Variants in ZBED6 observed in about 807,000 individuals in gnomAD.
The protein encoded by ZBED6 is zinc finger BED-type containing 6.
A neutral mutation model predicts 58.4 loss-of-function variants in ZBED6; 40 were observed. The ratio of observed to expected loss-of-function variants is 0.68; its 90% CI spans 0.53 to 0.89. The LOEUF is 0.89. ZBED6 is among the 40% of genes least tolerant of loss of function. ZBED6 has a pLI of 0.00. For missense variants in ZBED6, 1,057 were observed against 1,003.9 expected (o/e 1.05, Z -0.71); for synonymous variants, 439 against 350.6 (o/e 1.25, Z -2.82).
intron 10 of ZBED6, 88 bp downstream of exon 10, chr1:203,838,152 T>C: frequency 8.2e-7 from 1 of 1,224,812 alleles, no homozygotes; most frequent in Non-Finnish European, 1.2e-6. Context: ...TTCATTCTTT[T>C]GTTCAGGTAA....
intron 3 of ZBED6, among the ~76,000 whole-genome samples, chr1:203,825,517 T>G (rs10158428): frequency 6.9e-6 from 1 of 145,152 alleles, no homozygotes; most frequent in Non-Finnish European, 1.5e-5. Context: ...TCACTGAAAC[T>G]TCCACCTCCC....
chr1:203,796,736 A>T (rs16852334), exon 1 of ZBED6: 1 of 333,636 alleles, frequency 3.0e-6, no homozygotes, highest in East Asian at 4.6e-5. Flanking sequence ...AAAGCTTCTC[A>T]AGTCTAAAAA....
chr1:203,836,758 A>G (rs562944519), intron 9 of ZBED6, among the ~76,000 whole-genome samples: 15 of 152,328 alleles, frequency 9.8e-5, no homozygotes, highest in Admixed American at 9.1e-4. Flanking sequence ...CCTGGGCGAA[A>G]GAATGAGACT....
At chr1:203,848,122 T>C (rs1194800981) in intron 12 of ZBED6, among the ~76,000 whole-genome samples, 1 of 152,194 alleles carries the variant, frequency 6.6e-6, no homozygotes, top group African/African-American at 2.4e-5. Context: ...TCTCCCAAAG[T>C]GCTGGGGTTA....
intron 11 of ZBED6, among the ~76,000 whole-genome samples, chr1:203,841,587 CT>C (rs1686222050): frequency 1.3e-5 from 2 of 152,226 alleles, no homozygotes; most frequent in African/African-American, 4.8e-5. Context: ...TCTGATCTCT[CT>C]TTCTTTTCCC....
chr1:203,810,340 G>A (rs1030597910), intron 1 of ZBED6, among the ~76,000 whole-genome samples: 2 of 151,048 alleles, frequency 1.3e-5, no homozygotes, highest in Admixed American at 6.6e-5. Context: ...GAAGCTTAGT[G>A]TATAAAGATG....
At chr1:203,849,962 A>G in exon 14 of ZBED6, 1 of 1,614,152 alleles carries the variant, frequency 6.2e-7, no homozygotes, top group East Asian at 2.2e-5. Context: ...TAGAAACCTC[A>G]GGGATTGGAG....
At chr1:203,838,968 A>AAAAAAG (rs1365572708) in intron 10 of ZBED6, among the ~76,000 whole-genome samples, 1 of 151,738 alleles carries the variant, frequency 6.6e-6, no homozygotes, top group Non-Finnish European at 1.5e-5. Context: ...AAAAAAAAAA[A>AAAAAAG]AAAAAAAGAA....
chr1:203,848,449 A>G (rs781368100), intron 13 of ZBED6, 42 bp downstream of exon 13: 2 of 1,475,634 alleles, frequency 1.4e-6, no homozygotes, highest in Admixed American at 2.0e-5. Flanking sequence ...ATGGCAAACA[A>G]AGGCTAGATA....
At chr1:203,821,172 A>G (rs1284168828) in intron 3 of ZBED6, among the ~76,000 whole-genome samples, 1 of 152,128 alleles carries the variant, frequency 6.6e-6, no homozygotes, top group Non-Finnish European at 1.5e-5. Flanking sequence ...CTGATGGTTT[A>G]AAAGTGTGGG....
chr1:203,819,786 G>A (rs894643420), intron 3 of ZBED6, among the ~76,000 whole-genome samples: 7 of 149,318 alleles, frequency 4.7e-5, no homozygotes, highest in South Asian at 4.3e-4. Context: ...CACTTGCCTC[G>A]GCCTCCCAAA....
intron 11 of ZBED6, among the ~76,000 whole-genome samples, chr1:203,840,673 G>A (rs1379083158): frequency 6.6e-6 from 1 of 150,720 alleles, no homozygotes; most frequent in Non-Finnish European, 1.5e-5. Flanking sequence ...TGCTCTTGTT[G>A]CCCAGGCTGG....
At chr1:203,835,095 C>T (rs137911092) in intron 9 of ZBED6, among the ~76,000 whole-genome samples, 4 of 152,320 alleles carry the variant, frequency 2.6e-5, no homozygotes, top group African/African-American at 9.6e-5. Context: ...TGAACTTAGT[C>T]ACATTTCAAA....
At chr1:203,805,558 G>T in intron 1 of ZBED6, 1 of 591,254 alleles carries the variant, frequency 1.7e-6, no homozygotes, top group South Asian at 1.4e-5. Flanking sequence ...CGGTAAATTT[G>T]GAAAGATCAG....
chr1:203,823,953 G>T (rs1333184030), intron 3 of ZBED6, among the ~76,000 whole-genome samples: 2 of 151,270 alleles, frequency 1.3e-5, no homozygotes, highest in Admixed American at 6.6e-5. Context: ...AAAACCTAAG[G>T]TGAAGAGCAA....
At chr1:203,835,137 T>C (rs1440803419) in intron 9 of ZBED6, among the ~76,000 whole-genome samples, 7 of 152,236 alleles carry the variant, frequency 4.6e-5, no homozygotes, top group African/African-American at 1.7e-4. Context: ...GAATGTATTG[T>C]TGAATCAGTT....
At chr1:203,799,041 A>C (rs1290892681) in exon 1 of ZBED6, 1 of 1,536,032 alleles carries the variant, frequency 6.5e-7, no homozygotes, top group Non-Finnish European at 8.7e-7. Context: ...TTCTTTGGAA[A>C]CTGCGTCTTT....
exon 17 of ZBED6, chr1:203,852,295 A>T: frequency 1.9e-6 from 3 of 1,613,752 alleles, no homozygotes; most frequent in Non-Finnish European, 2.5e-6. Context: ...TGAGAAACTA[A>T]TATGGGAGAT....
chr1:203,818,815 G>A (rs1572069613), intron 3 of ZBED6, 126 bp downstream of exon 3: 1 of 1,423,852 alleles, frequency 7.0e-7, no homozygotes, highest in Non-Finnish European at 9.4e-7. Flanking sequence ...CATGCCTGTA[G>A]TTCCAGCACT....
Sources: allele counts gnomAD v4.1 joint callset (sites outside exome capture counted in the v4.1 genomes callset), GRCh38; gene constraint gnomAD v4.1.1; transcripts MANE v1.5; gene names NCBI Gene and HGNC (gene_info 2026-07-23, HGNC 2026-07-21).